Variants in CDH13 observed in about 807,000 individuals in gnomAD.
CDH13 encodes the protein cadherin-13.
CDH13 carries 24 observed loss-of-function variants against 63.8 expected under a neutral mutation model. The ratio of observed to expected loss-of-function variants is 0.38; its 90% CI spans 0.27 to 0.53. The LOEUF (loss-of-function observed/expected upper bound fraction) is 0.53. Ranked by LOEUF, CDH13 falls within the 20% of genes least tolerant of loss-of-function variation. The pLI is 0.85. For missense variants in CDH13, 1,049 were observed against 903.1 expected (o/e 1.16, Z -2.07); for synonymous variants, 503 against 355.3 (o/e 1.42, Z -4.67).
Position 83,570,970 on chromosome 16 carries a change from T to TAA in CDH13, c.961-31480_961-31479dup, listed in dbSNP as rs1325079561. On this transcript the variant is annotated intron_variant, in intron 7 of 13. Coordinates refer to ENST00000567109, the MANE Select transcript of CDH13 (RefSeq NM_001257.5). Reference sequence around the variant, plus strand: ...CCATATATATATATATATATATATATAAAAACCTTCTGGCGCCACCCAAGG... The same window carrying TAA: ...CCATATATATATATATATATATATATAAAAAAACCTTCTGGCGCCACCCAAGG... Among the ~76,000 whole-genome samples, 870 of 124,284 alleles carry TAA rather than the reference T, an allele frequency of 7.0e-3. 8 individuals carry two copies. The highest frequency in any genetic ancestry group is 0.027 in the African/African-American group (834 of 31,034). 81.5% of individuals were successfully genotyped at this position (124,284 alleles called of 152,430 possible).
chr16:82,988,705 T>C (rs1339556120), intron 2 of CDH13, among the ~76,000 whole-genome samples: 1 of 147,192 alleles, frequency 6.8e-6, no homozygotes, highest in African/African-American at 2.5e-5. Flanking sequence ...GAGGTTGCAG[T>C]GAGCCAAGAT....
chr16:82,727,004 C>G (rs982677275), intron 1 of CDH13, among the ~76,000 whole-genome samples: 13 of 152,104 alleles, frequency 8.5e-5, no homozygotes, highest in African/African-American at 2.9e-4. Context: ...TGCTTTTGTT[C>G]TTCTTCTAAT....
chr16:83,466,558 C>T (rs1220606719), intron 6 of CDH13, among the ~76,000 whole-genome samples: 1 of 152,204 alleles, frequency 6.6e-6, no homozygotes. Context: ...ACACACTCCC[C>T]CTAATGACCT....
intron 4 of CDH13, among the ~76,000 whole-genome samples, chr16:83,210,882 G>A (rs979088415): frequency 8.6e-5 from 13 of 151,704 alleles, no homozygotes; most frequent in African/African-American, 2.9e-4. Flanking sequence ...GGGCGTGGTG[G>A]CTCATGCTTC....
At chr16:83,171,702 C>T in intron 4 of CDH13, 1 of 720,704 alleles carries the variant, frequency 1.4e-6, no homozygotes, top group South Asian at 1.6e-5. Context: ...ACGCCTCTCC[C>T]ATTTCCCCAG....
chr16:83,777,345 G>A (rs13338541), intron 11 of CDH13, among the ~76,000 whole-genome samples: 15,729 of 152,238 alleles, frequency 0.1, 1,575 homozygotes, highest in African/African-American at 0.26. Flanking sequence ...AGCTCTGGAG[G>A]AGCAGCTCCA....
chr16:83,446,620 A>T (rs75420545), intron 6 of CDH13, among the ~76,000 whole-genome samples: 2 of 152,184 alleles, frequency 1.3e-5, no homozygotes, highest in Admixed American at 6.5e-5. Flanking sequence ...TTTTCTGCTC[A>T]TTTCTCCATC....
intron 7 of CDH13, among the ~76,000 whole-genome samples, chr16:83,581,645 C>A (rs1364532093): frequency 1.3e-5 from 2 of 152,088 alleles, no homozygotes; most frequent in Admixed American, 1.3e-4. Flanking sequence ...TGGTGAAATC[C>A]CGTCTCTACA....
chr16:82,788,261 A>G (rs543657119), intron 1 of CDH13, among the ~76,000 whole-genome samples: 1 of 152,150 alleles, frequency 6.6e-6, no homozygotes, highest in South Asian at 2.1e-4. Flanking sequence ...TTGACTTGAC[A>G]TGGGATGGTT....
intron 4 of CDH13, among the ~76,000 whole-genome samples, chr16:83,132,787 G>A (rs903441364): frequency 2.6e-5 from 4 of 152,172 alleles, no homozygotes; most frequent in Non-Finnish European, 5.9e-5. Context: ...ATAGGCTAGA[G>A]TATAGGAGAA....
rs768670399 is a variant in CDH13, at chr16:83,141,520, CT to C, written c.483+16022del. On this transcript the variant is annotated intron_variant, in intron 4 of 13. Coordinates refer to ENST00000567109, the MANE Select transcript of CDH13 (RefSeq NM_001257.5). ...TTTTTTGTTTGTTTGTTTGTTTTTA[CT>C]TTAAGTTCTGGGATACATGTGCAGA... is the stretch of plus-strand genomic sequence containing the variant. 9.2e-5 allele frequency among the ~76,000 whole-genome samples: 14 copies of C among 152,220 alleles called. No homozygotes were observed. The East Asian group carries it at 1.4e-3, about 15-fold the overall frequency.
intron 1 of CDH13, among the ~76,000 whole-genome samples, chr16:82,687,155 G>C (rs1016322333): frequency 6.6e-5 from 10 of 152,274 alleles, no homozygotes; most frequent in African/African-American, 2.2e-4. Context: ...GAGAGGCCAA[G>C]TCCTCTCTCA....
At chr16:83,064,911 A>G (rs1329308536) in intron 3 of CDH13, among the ~76,000 whole-genome samples, 2 of 152,140 alleles carry the variant, frequency 1.3e-5, no homozygotes, top group African/African-American at 4.8e-5. Flanking sequence ...ATACATTATT[A>G]TTGACTGTAG....
chr16:83,601,997 G>A (rs1473330997), intron 7 of CDH13, among the ~76,000 whole-genome samples: 1 of 150,070 alleles, frequency 6.7e-6, no homozygotes, highest in Non-Finnish European at 1.5e-5. Context: ...GGAGGCTGAG[G>A]CAGGAGAATC....
At chr16:83,508,748 A>G (rs1482995716) in intron 7 of CDH13, among the ~76,000 whole-genome samples, 1 of 152,032 alleles carries the variant, frequency 6.6e-6, no homozygotes, top group African/African-American at 2.4e-5. Context: ...TTTCTCCCTC[A>G]CTTGTGCTTC....
rs953808970 is a variant in CDH13, at chr16:83,283,418, C to G, written c.637-61444C>G. Among the ~76,000 whole-genome samples the G allele has an allele frequency of 1.3e-5, 2 of 152,270 alleles. 1 individual carries two copies. The highest frequency in any genetic ancestry group is 6.8e-3 in the Middle Eastern group (2 of 294). On this transcript the variant is annotated intron_variant, in intron 5 of 13. Transcript: ENST00000567109. ...CCAGCCTGGCCAACATGGTGAAACC[C>G]TGTCTCTACTAAAATTACAAAAATT...
chr16:83,457,762 A>C lies in CDH13; in HGVS notation c.782-28715A>C, dbSNP rs148086788. ...GCCAGGCCGAGCCAAGCCAATAGTC[A>C]CTGACCCACTCCGCATCCAAGATCC... On this transcript the variant is annotated intron_variant, in intron 6 of 13. Transcript: ENST00000567109. Among the ~76,000 whole-genome samples the C allele has an allele frequency of 6.0e-4, 91 of 152,280 alleles. No homozygotes were observed. In the East Asian group the frequency reaches 0.017, roughly 28 times the overall value.
At chr16:82,750,772 C>A (rs1330897682) in intron 1 of CDH13, among the ~76,000 whole-genome samples, 4 of 148,838 alleles carry the variant, frequency 2.7e-5, no homozygotes, top group Non-Finnish European at 6.0e-5. Flanking sequence ...AAGAGATTGG[C>A]TTAAGCTGAT....
At position 82,868,978 on chromosome 16, in the gene CDH13, C is replaced by A. The variant is rs532872730; in HGVS notation, c.157+10505C>A. Among the ~76,000 whole-genome samples, 4 of 152,274 alleles carry A rather than the reference C, an allele frequency of 2.6e-5. No individual in the cohort carries two copies. The South Asian group carries it at 8.3e-4, about 32-fold the overall frequency. On this transcript the variant is annotated intron_variant, in intron 2 of 13. Transcript: ENST00000567109. ...ATCTGGAAAATTAATATTATAATGG[C>A]AGCAATCTCAACAGTCTGTTTTGAG... is the stretch of plus-strand genomic sequence containing the variant.
Sources: gnomAD v4.1 joint callset for allele counts (sites outside exome capture counted in the v4.1 genomes callset) on GRCh38, gnomAD v4.1.1 for gene constraint, MANE v1.5 for transcripts, NCBI Gene and HGNC (gene_info 2026-07-23, HGNC 2026-07-21) for gene names.